The following FXR1 variants were observed in gnomAD, a reference collection of about 807,000 sequenced individuals.
FXR1 encodes the protein RNA-binding protein FXR1.
In FXR1, 15 loss-of-function variants were observed where a neutral mutation model predicts 84.0. The ratio of observed to expected loss-of-function variants is 0.18; its 90% CI spans 0.12 to 0.27. The LOEUF (loss-of-function observed/expected upper bound fraction) is 0.27, where lower values mean the gene tolerates loss of function less well. Ranked by LOEUF, FXR1 falls within the 10% of genes least tolerant of loss-of-function variation. The pLI is 1.00. For missense variants in FXR1, 480 were observed against 774.4 expected, an observed-to-expected ratio of 0.62 and a Z score of 4.51; for synonymous variants, 245 against 250.7, an observed-to-expected ratio of 0.98 and a Z score of 0.21.
chr3:180,955,263 T>C (rs1254089820), intron 9 of FXR1, among the ~76,000 whole-genome samples: 2 of 152,100 alleles, frequency 1.3e-5, no homozygotes, highest in Admixed American at 1.3e-4. Context: ...CCTCCCAAAG[T>C]GCTGGGATTA....
At chr3:180,948,877 A>G (rs1237770107) in intron 6 of FXR1, 63 bp downstream of exon 6, 7 of 804,250 alleles carry the variant, frequency 8.7e-6, no homozygotes, top group African/African-American at 8.6e-5. Flanking sequence ...TTATAATTAC[A>G]TATTTCAGAA....
intron 1 of FXR1, among the ~76,000 whole-genome samples, chr3:180,918,994 T>C (rs1023442445): frequency 1.3e-5 from 2 of 152,246 alleles, no homozygotes; most frequent in African/African-American, 4.8e-5. Flanking sequence ...TTAACCATTA[T>C]GGTGCAATAT....
intron 3 of FXR1, among the ~76,000 whole-genome samples, chr3:180,937,606 A>AT (rs1224214629): frequency 4.6e-5 from 7 of 151,908 alleles, no homozygotes; most frequent in South Asian, 2.1e-4. Context: ...TTAAAATGTG[A>AT]TTTTTTTTCA....
intron 9 of FXR1, among the ~76,000 whole-genome samples, chr3:180,955,275 A>G (rs1336745024): frequency 6.6e-6 from 1 of 152,172 alleles, no homozygotes; most frequent in Non-Finnish European, 1.5e-5. Flanking sequence ...CTGGGATTAC[A>G]GGCGTGATCC....
chr3:180,927,785 A>C, intron 1 of FXR1: 1 of 427,724 alleles, frequency 2.3e-6, no homozygotes, highest in Non-Finnish European at 4.1e-6. Flanking sequence ...AGATTTGTAT[A>C]TTATTAAAAT....
chr3:180,970,231 T>C lies in FXR1; in HGVS notation c.1476T>C (p.Asp492=). 3.7e-6 allele frequency: 6 copies of C among 1,603,964 alleles called. No individual in the cohort carries two copies. The highest frequency in any genetic ancestry group is 4.3e-6 in the Non-Finnish European group (5 of 1,170,990). The change falls in exon 15 of 17, where the codon GAT becomes GAC. Residue 492 remains aspartate, a synonymous_variant. Transcript: ENST00000357559. ...AATCAGATCAGACTGCAGACACTGA[T>C]GCCAGCGAATCTCATCACAGTACTA... ...NTESDQTADT[D]ASESHHSTNR...
chr3:180,970,389 T>A (rs765720096), intron 15 of FXR1, 31 bp downstream of exon 15: 7 of 188,282 alleles, frequency 3.7e-5, no homozygotes, highest in African/African-American at 1.6e-4. Context: ...GAGAAATATA[T>A]ATATATATAT....
In FXR1 at chr3:180,958,746, A is replaced by G. The variant is rs564966917; in HGVS notation, c.990+818A>G. Among the ~76,000 whole-genome samples, 4 of 150,630 alleles carry G rather than the reference A, an allele frequency of 2.7e-5. No individual in the cohort carries two copies. In the East Asian group the frequency reaches 5.8e-4, roughly 22 times the overall value. On this transcript the variant is annotated intron_variant, in intron 10 of 16. Transcript: ENST00000357559. The stretch of plus-strand genomic sequence containing the variant: ...TTTATAGAATCTGAAAGTATTGACC[A>G]TTTCTTAATTGAAATCCCCTTACAC...
rs1396011858 is a variant in FXR1, at chr3:180,976,178, T to C, written c.1752T>C (p.Thr584=). The C allele has an allele frequency of 6.2e-7, 1 of 1,613,212 alleles. No homozygotes were observed. Among genetic ancestry groups the C allele is most frequent in the South Asian group, 1.1e-5 (1 of 91,032 alleles). Residue 584 remains threonine (T), a synonymous_variant, in exon 17 of 17, where the codon ACT becomes ACC. Coordinates refer to ENST00000357559, the MANE Select transcript of FXR1 (RefSeq NM_005087.4). The stretch of plus-strand genomic sequence containing the variant: ...CAGAAAAGGCAATAAACGGCCCAAC[T>C]AGTGCTTCTGGCGATGACATTTCTA... ...GPSEKAINGP[T]SASGDDISKL... is the part of the protein sequence containing the mutation.
At chr3:180,927,701 G>C in intron 1 of FXR1, 1 of 490,096 alleles carries the variant, frequency 2.0e-6, no homozygotes, top group Non-Finnish European at 3.6e-6. Flanking sequence ...AGTAAGGTAG[G>C]ATCTACAAGA....
intron 10 of FXR1, among the ~76,000 whole-genome samples, chr3:180,959,917 A>G (rs1711866410): frequency 6.6e-6 from 1 of 152,182 alleles, no homozygotes; most frequent in Non-Finnish European, 1.5e-5. Context: ...CATATATAGA[A>G]CTAAAATGTC....
At chr3:180,971,283 AAATTGTTTATTCAACTAAT>A (rs1713553440) in intron 15 of FXR1, 1 of 191,708 alleles carries the variant, frequency 5.2e-6, no homozygotes, top group Non-Finnish European at 1.1e-5. Flanking sequence ...TGCATTGCAT[AAATTGTTTATTCAACTAAT>A]AAGACTACTA....
At chr3:180,934,388 T>C (rs935783567) in intron 2 of FXR1, among the ~76,000 whole-genome samples, 2 of 152,208 alleles carry the variant, frequency 1.3e-5, no homozygotes, top group African/African-American at 4.8e-5. Context: ...CCCAGACATA[T>C]AAATGACCTA....
intron 1 of FXR1, among the ~76,000 whole-genome samples, chr3:180,926,478 G>GTGTATA (rs1553840584): frequency 2.7e-5 from 2 of 75,404 alleles, no homozygotes; most frequent in Admixed American, 1.3e-4. Flanking sequence ...GGATTGTACT[G>GTGTATA]TATATATATA....
rs1717353527 is a variant in FXR1, at chr3:180,912,685, C to G, written c.-1C>G. On this transcript the variant is annotated 5_prime_UTR_variant, in exon 1 of 17. Coordinates refer to ENST00000357559, the MANE Select transcript of FXR1 (RefSeq NM_005087.4). ...TTCCCAGCGGCCTTTGCGGTTCCAA[C>G]ATGGCGGAGCTGACGGTGGAGGTTC... 2 of 1,612,558 alleles carry G rather than the reference C, an allele frequency of 1.2e-6. No homozygotes were observed. The highest frequency in any genetic ancestry group is 2.2e-5 in the East Asian group (1 of 44,788).
intron 1 of FXR1, among the ~76,000 whole-genome samples, chr3:180,923,837 C>G (rs993536398): frequency 1.3e-5 from 2 of 152,092 alleles, no homozygotes; most frequent in Non-Finnish European, 2.9e-5. Flanking sequence ...GTGATCTTCC[C>G]CGCTCAGTCT....
chr3:180,935,240 TTTTAAG>T lies in FXR1; in HGVS notation c.198+14_198+19del, dbSNP rs1474687827. ...AAGGAGATGAAGTAGAGGTATGTAT[TTTTAAG>T]TTTATTTTCTTGTGTCTATTTTTTT... On this transcript the variant is annotated intron_variant, in intron 3 of 16. Coordinates refer to ENST00000357559, the MANE Select transcript of FXR1 (RefSeq NM_005087.4). The T allele has an allele frequency of 2.5e-6, 3 of 1,187,042 alleles. No individual in the cohort carries two copies. In the South Asian group the frequency reaches 3.8e-5, roughly 15 times the overall value. 73.5% of individuals were successfully genotyped at this position (1,187,042 alleles called of 1,614,324 possible).
Position 180,935,179 on chromosome 3 carries a change from TACC to T in FXR1, c.156_158del (p.Pro53del). The T allele has an allele frequency of 6.9e-6, 11 of 1,585,048 alleles. No homozygotes were observed. The highest frequency in any genetic ancestry group is 1.3e-5 in the African/African-American group (1 of 74,404). ...CAGGTTCCATTTAATGAAGTTAGATTACCACCACCACCTGATATAAAAAAAGAA... is the reference window on the plus strand; with the variant it reads ...CAGGTTCCATTTAATGAAGTTAGATTACCACCACCTGATATAAAAAAAGAA... On this transcript the variant is annotated inframe_deletion, in exon 3 of 17. Transcript: ENST00000357559.
intron 3 of FXR1, among the ~76,000 whole-genome samples, chr3:180,938,516 G>T (rs1292305782): frequency 6.6e-6 from 1 of 152,086 alleles, no homozygotes; most frequent in East Asian, 1.9e-4. Flanking sequence ...GGTGTAGGAA[G>T]TCCTTGCATT....
Sources: allele counts gnomAD v4.1 joint callset (sites outside exome capture counted in the v4.1 genomes callset), GRCh38; gene constraint gnomAD v4.1.1; transcripts MANE v1.5; gene names NCBI Gene and HGNC (gene_info 2026-07-23, HGNC 2026-07-21).